The following AKAP13 variants were observed in gnomAD, a reference collection of about 807,000 sequenced individuals.
AKAP13 encodes the protein A-kinase anchor protein 13.
In AKAP13, 80 loss-of-function variants were observed where a neutral mutation model predicts 264.5. That is an observed-to-expected ratio of 0.30 (90% CI 0.25 to 0.36). The LOEUF (loss-of-function observed/expected upper bound fraction) is 0.36. AKAP13 is among the 10% of genes least tolerant of loss of function. AKAP13 has a pLI of 1.00. For missense variants in AKAP13, 3,712 were observed against 3,435.2 expected (o/e 1.08, Z -2.01); for synonymous variants, 1,380 against 1,250.2 (o/e 1.10, Z -2.19).
chr15:85,507,043 C>T (rs2076246832), intron 2 of AKAP13, among the ~76,000 whole-genome samples: 1 of 152,104 alleles, frequency 6.6e-6, no homozygotes, highest in South Asian at 2.1e-4. Context: ...CCTTTGTAGT[C>T]TCCTCTGGCA....
chr15:85,402,870 ATTCT>A (rs2071490375), intron 1 of AKAP13, among the ~76,000 whole-genome samples: 1 of 152,220 alleles, frequency 6.6e-6, no homozygotes, highest in South Asian at 2.1e-4. Context: ...AAATGTGTGC[ATTCT>A]TTATTATGTT....
intron 10 of AKAP13, among the ~76,000 whole-genome samples, chr15:85,647,761 C>G (rs1037345302): frequency 6.6e-6 from 1 of 151,998 alleles, no homozygotes; most frequent in Non-Finnish European, 1.5e-5. Context: ...CTGGCTAACA[C>G]GGTGAAACCC....
chr15:85,733,808 G>T (rs1265233673), intron 30 of AKAP13, among the ~76,000 whole-genome samples: 1 of 147,734 alleles, frequency 6.8e-6, no homozygotes, highest in East Asian at 2.0e-4. Flanking sequence ...TTTCATTTCT[G>T]TGTTTTCTAA....
intron 9 of AKAP13, among the ~76,000 whole-genome samples, chr15:85,643,137 A>T (rs558800829): frequency 2.7e-5 from 4 of 147,674 alleles, no homozygotes; most frequent in African/African-American, 9.9e-5. Flanking sequence ...GACTAAGGTG[A>T]TTTTTTTTTT....
chr15:85,415,258 G>T, intron 1 of AKAP13: 1 of 1,571,760 alleles, frequency 6.4e-7, no homozygotes. Context: ...GAAGGAAGAT[G>T]GCGCCTGGTG....
intron 7 of AKAP13, among the ~76,000 whole-genome samples, chr15:85,585,306 T>C (rs1190435504): frequency 6.6e-6 from 1 of 152,220 alleles, no homozygotes; most frequent in Non-Finnish European, 1.5e-5. Context: ...GTACAAATCC[T>C]TGCTTTTTTG....
intron 1 of AKAP13, among the ~76,000 whole-genome samples, chr15:85,424,101 A>G (rs2072653327): frequency 6.6e-6 from 1 of 152,198 alleles, no homozygotes; most frequent in African/African-American, 2.4e-5. Context: ...TAGAATGGTA[A>G]GTGAGCATTG....
chr15:85,587,435 A>AT (rs1434595733), intron 8 of AKAP13, among the ~76,000 whole-genome samples: 1 of 152,090 alleles, frequency 6.6e-6, no homozygotes, highest in African/African-American at 2.4e-5. Context: ...GATATACCAC[A>AT]TTTTTTTGTG....
chr15:85,641,489 T>A (rs951715549), intron 9 of AKAP13, among the ~76,000 whole-genome samples: 2 of 88,716 alleles, frequency 2.3e-5, no homozygotes, highest in African/African-American at 6.5e-5. Context: ...AATAAATAAA[T>A]AAATAAATAA....
intron 8 of AKAP13, among the ~76,000 whole-genome samples, chr15:85,589,757 T>C (rs1435808485): frequency 1.3e-5 from 2 of 148,790 alleles, no homozygotes; most frequent in Non-Finnish European, 3.0e-5. Context: ...TCATGGGCTG[T>C]AAAAAAGAGT....
At chr15:85,660,597 A>G (rs2083301075) in intron 12 of AKAP13, among the ~76,000 whole-genome samples, 1 of 152,182 alleles carries the variant, frequency 6.6e-6, no homozygotes, top group Admixed American at 6.5e-5. Context: ...TTAGGTAAAA[A>G]TATGCCTATT....
At chr15:85,614,814 A>G (rs1372201141) in intron 8 of AKAP13, among the ~76,000 whole-genome samples, 1 of 152,204 alleles carries the variant, frequency 6.6e-6, no homozygotes, top group Non-Finnish European at 1.5e-5. Context: ...TAAAATAGAC[A>G]GTAAAATTTC....
chr15:85,718,139 A>G lies in AKAP13; in HGVS notation c.5981A>G (p.Lys1994Arg). ...FLKQQKKDVV[K>R]RQEVIYELMQ... ...AAACAGCAAAAGAAAGATGTGGTCA[A>G]ACGGCAAGAAGTAATATATGGTGAG... Residue 1994 changes from lysine to arginine, a missense_variant, in exon 22 of 37, where the codon AAA becomes AGA. This residue lies in a region of AKAP13 where 342 missense variants were observed against 484.3 expected (regional missense o/e 0.71). Transcript: ENST00000394518. This position sits in a 1 kb window ranked among gnomAD's most constrained non-coding sequence, Gnocchi z 4.9. The G allele has an allele frequency of 6.2e-7, 1 of 1,614,184 alleles. No homozygotes were observed. Among genetic ancestry groups the G allele is most frequent in the African/African-American group, 1.3e-5 (1 of 75,066 alleles).
chr15:85,703,798 G>A (rs565079757), intron 17 of AKAP13, among the ~76,000 whole-genome samples: 19 of 149,980 alleles, frequency 1.3e-4, no homozygotes, highest in African/African-American at 2.5e-4. Flanking sequence ...AGCCAAGATC[G>A]TACCACTGCA....
At chr15:85,443,950 T>C (rs1313107486) in intron 1 of AKAP13, among the ~76,000 whole-genome samples, 1 of 152,170 alleles carries the variant, frequency 6.6e-6, no homozygotes, top group Non-Finnish European at 1.5e-5. Context: ...TTTGTTGCCA[T>C]AGTAACCTTT....
intron 1 of AKAP13, among the ~76,000 whole-genome samples, chr15:85,409,088 A>G (rs1008705973): frequency 6.6e-6 from 1 of 151,844 alleles, no homozygotes; most frequent in Middle Eastern, 3.4e-3. Context: ...TGATGTGAGC[A>G]TCTTTTTATG....
intron 3 of AKAP13, among the ~76,000 whole-genome samples, chr15:85,522,356 G>A (rs867395994): frequency 6.6e-6 from 1 of 152,096 alleles, no homozygotes; most frequent in South Asian, 2.1e-4. Context: ...TAGATACAAG[G>A]AGACTGCAAG....
At chr15:85,620,058 G>C in intron 8 of AKAP13, 2 of 1,535,966 alleles carry the variant, frequency 1.3e-6, no homozygotes, top group Non-Finnish European at 8.7e-7. Flanking sequence ...TATACTTCCT[G>C]CATTTTCTCT....
At chr15:85,651,024 G>T (rs2082813147) in intron 10 of AKAP13, among the ~76,000 whole-genome samples, 1 of 152,038 alleles carries the variant, frequency 6.6e-6, no homozygotes, top group African/African-American at 2.4e-5. Context: ...GGAATAAATG[G>T]AGATTAAAGG....
Sources: allele counts gnomAD v4.1 joint callset (sites outside exome capture counted in the v4.1 genomes callset), GRCh38; gene constraint gnomAD v4.1.1; regional missense constraint gnomAD v4.1.1; non-coding constraint Gnocchi (gnomAD v3.1); transcripts MANE v1.5; gene names NCBI Gene and HGNC (gene_info 2026-07-23, HGNC 2026-07-21).